Variants in KANSL1 observed in about 807,000 individuals in gnomAD.
KANSL1 encodes the protein MLL1/MLL complex subunit KANSL1.
A neutral mutation model predicts 103.6 loss-of-function variants in KANSL1; 22 were observed. That is an observed-to-expected ratio of 0.21 (90% confidence interval 0.15 to 0.30). The LOEUF (loss-of-function observed/expected upper bound fraction) is 0.30, where lower values mean the gene tolerates loss of function less well. Among genes scored for constraint, KANSL1 ranks in the 10% least tolerant of loss-of-function variants. The probability of loss-of-function intolerance (pLI) is 1.00; values close to 1 mark genes in which losing one functional copy is unlikely to be tolerated. For missense variants in KANSL1, 1,337 were observed against 1,399.8 expected (o/e 0.96, Z 0.72); for synonymous variants, 600 against 527.6 (o/e 1.14, Z -1.88).
chr17:46,100,743 T>C (rs915684519), intron 2 of KANSL1, among the ~76,000 whole-genome samples: 1 of 152,234 alleles, frequency 6.6e-6, no homozygotes, highest in Non-Finnish European at 1.5e-5. Flanking sequence ...TATTCTAAGA[T>C]GGGAAATTTG....
At chr17:46,106,706 C>A (rs745733122) in intron 2 of KANSL1, among the ~76,000 whole-genome samples, 5 of 152,126 alleles carry the variant, frequency 3.3e-5, no homozygotes, top group Admixed American at 6.6e-5. Context: ...ACCATATTTT[C>A]AGAAATAGTC....
intron 2 of KANSL1, among the ~76,000 whole-genome samples, chr17:46,138,630 C>T (rs185429944): frequency 6.6e-6 from 1 of 152,224 alleles, no homozygotes; most frequent in South Asian, 2.1e-4. Flanking sequence ...CATTTCACAT[C>T]AGAGAGACTC....
At chr17:46,034,349 A>G in intron 10 of KANSL1, 64 bp from the exon 11 acceptor site, 1 of 1,576,800 alleles carries the variant, frequency 6.3e-7, no homozygotes, top group East Asian at 2.3e-5. Flanking sequence ...TCATTCATCT[A>G]AGAGTTAAAG....
chr17:46,124,770 C>T (rs117770816), intron 2 of KANSL1, among the ~76,000 whole-genome samples: 5,007 of 151,936 alleles, frequency 0.033, 117 homozygotes, highest in Non-Finnish European at 0.055. Flanking sequence ...AAAGTAACTG[C>T]AGATGTGAAA....
chr17:46,103,394 T>C lies in KANSL1; in HGVS notation c.1290-8693A>G, dbSNP rs202136094. 3.6e-4 allele frequency among the ~76,000 whole-genome samples: 55 copies of C among 152,328 alleles called. No homozygotes were observed. The East Asian group carries it at 5.0e-3, about 14-fold the overall frequency. On this transcript the variant is annotated intron_variant, in intron 2 of 14. Transcript: ENST00000432791. ...TAAGCCAATTCCCAACATCACATCATCACCTCTAAATATTTCGGTATGTTT... is the reference window on the plus strand; with the variant it reads ...TAAGCCAATTCCCAACATCACATCACCACCTCTAAATATTTCGGTATGTTT...
chr17:46,044,317 T>A (rs537611357), intron 7 of KANSL1: 10 of 152,314 alleles, frequency 6.6e-5, no homozygotes, highest in Admixed American at 5.2e-4. Flanking sequence ...AAATGAAAGA[T>A]GAATGAGAAG....
intron 2 of KANSL1, among the ~76,000 whole-genome samples, chr17:46,121,515 T>C (rs984984658): frequency 3.3e-5 from 5 of 152,194 alleles, no homozygotes; most frequent in African/African-American, 1.2e-4. Context: ...CTGACACAAA[T>C]ATCACTTTCA....
intron 2 of KANSL1, among the ~76,000 whole-genome samples, chr17:46,095,084 A>C (rs1346507068): frequency 6.6e-6 from 1 of 152,226 alleles, no homozygotes; most frequent in African/African-American, 2.4e-5. Flanking sequence ...ATTCAGCAAA[A>C]GTGTTCAGTA....
chr17:46,200,201 A>G (rs1022139141), intron 1 of KANSL1, among the ~76,000 whole-genome samples: 1 of 152,248 alleles, frequency 6.6e-6, no homozygotes, highest in African/African-American at 2.4e-5. Context: ...CTGATTTTGC[A>G]GATTAAGCAA....
chr17:46,169,592 T>TAG (rs1272593425), intron 2 of KANSL1: 1 of 152,268 alleles, frequency 6.6e-6, no homozygotes, highest in Non-Finnish European at 1.5e-5. Context: ...CAGCCTTCTC[T>TAG]AGTAAGCCAG....
intron 3 of KANSL1, among the ~76,000 whole-genome samples, chr17:46,086,413 A>G (rs1477362998): frequency 6.6e-6 from 1 of 152,188 alleles, no homozygotes; most frequent in African/African-American, 2.4e-5. Flanking sequence ...CATCTAACTA[A>G]TATTTCATTC....
At chr17:46,100,837 G>C (rs2147007506) in intron 2 of KANSL1, among the ~76,000 whole-genome samples, 1 of 152,260 alleles carries the variant, frequency 6.6e-6, no homozygotes, top group Admixed American at 6.5e-5. Flanking sequence ...ATCTCATTAA[G>C]GCAACAAACA....
chr17:46,181,524 G>A (rs1270661439), intron 1 of KANSL1, among the ~76,000 whole-genome samples: 1 of 152,128 alleles, frequency 6.6e-6, no homozygotes. Flanking sequence ...CCGCCTCCCA[G>A]GTTCAAACGA....
chr17:46,212,831 C>T (rs2048206020), intron 1 of KANSL1, among the ~76,000 whole-genome samples: 2 of 152,120 alleles, frequency 1.3e-5, no homozygotes, highest in South Asian at 4.1e-4. Flanking sequence ...AGAGATTGTC[C>T]CCTCACCACC....
intron 4 of KANSL1, among the ~76,000 whole-genome samples, chr17:46,080,723 C>T (rs1383431717): frequency 1.3e-5 from 2 of 151,248 alleles, no homozygotes; most frequent in African/African-American, 4.9e-5. Context: ...CCCCCCAACC[C>T]CTGTCTTCTC....
intron 3 of KANSL1, chr17:46,094,271 A>G: frequency 2.8e-6 from 1 of 355,926 alleles, no homozygotes; most frequent in South Asian, 3.6e-5. Flanking sequence ...TAATTTTTGT[A>G]ATTTTTGTAA....
intron 4 of KANSL1, among the ~76,000 whole-genome samples, chr17:46,081,812 T>C (rs1360249599): frequency 1.3e-5 from 2 of 152,206 alleles, no homozygotes; most frequent in African/African-American, 2.4e-5. Context: ...AATTAAGTTA[T>C]GGAGACTTAA....
At chr17:46,155,946 T>C (rs1407002284) in intron 2 of KANSL1, among the ~76,000 whole-genome samples, 1 of 152,080 alleles carries the variant, frequency 6.6e-6, no homozygotes, top group Non-Finnish European at 1.5e-5. Context: ...AAAGAAAACA[T>C]ACTCTAAGAA....
At chr17:46,146,168 A>T (rs1466188383) in intron 2 of KANSL1, among the ~76,000 whole-genome samples, 1 of 152,224 alleles carries the variant, frequency 6.6e-6, no homozygotes, top group Non-Finnish European at 1.5e-5. Flanking sequence ...AACTGTGAAA[A>T]GCACTAAAAT....
Sources: allele counts gnomAD v4.1 joint callset (sites outside exome capture counted in the v4.1 genomes callset), GRCh38; gene constraint gnomAD v4.1.1; transcripts MANE v1.5; gene names NCBI Gene and HGNC (gene_info 2026-07-23, HGNC 2026-07-21).